ROBO2: variants seen among roughly 807,000 people sequenced by gnomAD.
ROBO2 encodes roundabout guidance receptor 2.
Under a neutral mutation model 160.8 loss-of-function variants are expected in ROBO2, and 53 were observed. The ratio of observed to expected loss-of-function variants is 0.33; its 90% confidence interval spans 0.26 to 0.41. ROBO2 has a LOEUF of 0.41. Ranked by LOEUF, ROBO2 falls within the 10% of genes least tolerant of loss-of-function variation. The pLI, the probability that ROBO2 is intolerant of heterozygous loss-of-function variation, is 1.00. For synonymous variants in ROBO2, 664 were observed against 611.7 expected (o/e 1.09, Z -1.26); for missense variants, 1,577 against 1,722.4 (o/e 0.92, Z 1.49).
intron 2 of ROBO2, among the ~76,000 whole-genome samples, chr3:77,027,892 G>A (rs2149535934): frequency 6.6e-6 from 1 of 152,098 alleles, no homozygotes; most frequent in African/African-American, 2.4e-5. Flanking sequence ...AGTGAAGCGG[G>A]TAGAAAGAAA....
At chr3:76,861,966 G>T (rs1273225835) in intron 2 of ROBO2, among the ~76,000 whole-genome samples, 3 of 152,106 alleles carry the variant, frequency 2.0e-5, no homozygotes, top group African/African-American at 7.2e-5. Flanking sequence ...GGCTCTTGCA[G>T]TTCTCTGCTC....
intron 2 of ROBO2, among the ~76,000 whole-genome samples, chr3:77,179,831 G>A (rs867884865): frequency 1.1e-4 from 17 of 152,152 alleles, no homozygotes; most frequent in African/African-American, 4.1e-4. Context: ...GCTAGGGTGC[G>A]GTTAAACTGT....
intron 2 of ROBO2, among the ~76,000 whole-genome samples, chr3:75,953,578 C>T (rs548566238): frequency 1.1e-3 from 162 of 151,936 alleles, no homozygotes; most frequent in Middle Eastern, 3.4e-3. Flanking sequence ...TAATAATGCT[C>T]AATTTCTCAA....
chr3:77,216,845 A>G (rs924001561), intron 2 of ROBO2, among the ~76,000 whole-genome samples: 2 of 152,158 alleles, frequency 1.3e-5, no homozygotes, highest in African/African-American at 2.4e-5. Flanking sequence ...TATTTTTTTC[A>G]AAATATATAT....
At chr3:76,152,176 A>C (rs1014731795) in intron 2 of ROBO2, among the ~76,000 whole-genome samples, 12 of 152,180 alleles carry the variant, frequency 7.9e-5, no homozygotes, top group African/African-American at 2.7e-4. Flanking sequence ...GGCTGAACTG[A>C]GGGAGCTAAG....
At chr3:76,498,264 CATT>C (rs2080262623) in intron 2 of ROBO2, among the ~76,000 whole-genome samples, 1 of 152,136 alleles carries the variant, frequency 6.6e-6, no homozygotes, top group African/African-American at 2.4e-5. Context: ...TTCTACCAGG[CATT>C]ACAATGTATT....
intron 2 of ROBO2, among the ~76,000 whole-genome samples, chr3:76,027,075 AT>A (rs1452824937): frequency 3.3e-5 from 5 of 151,938 alleles, no homozygotes; most frequent in Non-Finnish European, 7.4e-5. Context: ...CTATAAAAAT[AT>A]TTTTATGACT....
chr3:76,701,195 T>C (rs2093038215), intron 2 of ROBO2, among the ~76,000 whole-genome samples: 1 of 152,124 alleles, frequency 6.6e-6, no homozygotes, highest in South Asian at 2.1e-4. Context: ...CAAAGTTCTT[T>C]AGGTTTGAGA....
At chr3:76,500,766 G>T (rs1363943016) in intron 2 of ROBO2, among the ~76,000 whole-genome samples, 1 of 152,142 alleles carries the variant, frequency 6.6e-6, no homozygotes, top group Non-Finnish European at 1.5e-5. Context: ...GGATATCTTT[G>T]CATGGTGATT....
In ROBO2 at chr3:77,292,822, G is replaced by A. The variant is rs558213925; in HGVS notation, c.389-184592G>A. On this transcript the variant is annotated intron_variant, in intron 2 of 25. Coordinates refer to ENST00000461745, the Ensembl canonical transcript of ROBO2. ...GAGGCTAGATCACCCCAGATATAAA[G>A]TAAAACTGACGGTTAAACGGGTAAG... 5.4e-5 allele frequency among the ~76,000 whole-genome samples: 8 copies of A among 147,874 alleles called. No homozygotes were observed. In the East Asian group the frequency reaches 1.6e-3, roughly 30 times the overall value.
At chr3:77,396,825 C>G (rs1003204327) in intron 2 of ROBO2, among the ~76,000 whole-genome samples, 5 of 151,988 alleles carry the variant, frequency 3.3e-5, no homozygotes, top group African/African-American at 1.2e-4. Context: ...AAAAGGAAGG[C>G]ACTTATGTGG....
intron 2 of ROBO2, among the ~76,000 whole-genome samples, chr3:76,905,805 C>T (rs1048501230): frequency 1.1e-4 from 17 of 152,092 alleles, no homozygotes; most frequent in East Asian, 5.8e-4. Context: ...TTTATGAGTG[C>T]GGAGTTACTA....
intron 2 of ROBO2, among the ~76,000 whole-genome samples, chr3:76,540,972 G>C (rs745408624): frequency 6.6e-6 from 1 of 151,950 alleles, no homozygotes; most frequent in South Asian, 2.1e-4. Flanking sequence ...GCTAAATTTT[G>C]TATTTTTAGT....
At chr3:76,973,480 T>C (rs2059669332) in intron 2 of ROBO2, among the ~76,000 whole-genome samples, 1 of 152,050 alleles carries the variant, frequency 6.6e-6, no homozygotes, top group African/African-American at 2.4e-5. Context: ...ATAATTATAA[T>C]ATTCATATCA....
intron 2 of ROBO2, among the ~76,000 whole-genome samples, chr3:76,393,414 A>G (rs1016787117): frequency 2.6e-5 from 4 of 152,174 alleles, no homozygotes; most frequent in African/African-American, 7.2e-5. Context: ...AAAATTATGG[A>G]GCATATGATA....
intron 2 of ROBO2, among the ~76,000 whole-genome samples, chr3:75,966,501 T>A (rs1949119585): frequency 6.6e-6 from 1 of 151,746 alleles, no homozygotes; most frequent in Non-Finnish European, 1.5e-5. Flanking sequence ...ATATAGTGGT[T>A]GTATGATTAA....
intron 2 of ROBO2, among the ~76,000 whole-genome samples, chr3:76,728,920 T>A (rs1041775199): frequency 5.5e-5 from 8 of 146,310 alleles, no homozygotes; most frequent in South Asian, 4.4e-4. Flanking sequence ...GTTTTTTTTT[T>A]ATTCATTTAT....
intron 2 of ROBO2, among the ~76,000 whole-genome samples, chr3:77,408,590 T>C (rs1214510882): frequency 6.6e-6 from 1 of 152,192 alleles, no homozygotes; most frequent in Non-Finnish European, 1.5e-5. Context: ...TAATATACTA[T>C]CAGGACTGGG....
At chr3:75,930,699 T>G (rs1947497060) in intron 1 of ROBO2, among the ~76,000 whole-genome samples, 1 of 152,206 alleles carries the variant, frequency 6.6e-6, no homozygotes, top group African/African-American at 2.4e-5. Flanking sequence ...TGTCAGTAAG[T>G]GGCACTGCCA....
Sources: allele counts gnomAD v4.1 joint callset (sites outside exome capture counted in the v4.1 genomes callset), GRCh38; gene constraint gnomAD v4.1.1; transcripts MANE v1.5; gene names NCBI Gene and HGNC (gene_info 2026-07-23, HGNC 2026-07-21).